Variants in GUCY2F observed in about 807,000 individuals in gnomAD.
The protein encoded by GUCY2F is retinal guanylyl cyclase 2.
In GUCY2F, 61 loss-of-function variants were observed where a neutral mutation model predicts 73.1. The observed-to-expected ratio is 0.83, with a 90% CI of 0.68 to 1.03. GUCY2F has a LOEUF of 1.03. Ranked by LOEUF, GUCY2F falls within the 50% of genes least tolerant of loss-of-function variation. The pLI is 0.00. For synonymous variants in GUCY2F, 331 were observed against 307.8 expected (o/e 1.08, Z -0.79); for missense variants, 912 against 854.3 (o/e 1.07, Z -0.84).
chrX:109,423,735 G>A (rs2147266320), intron 8 of GUCY2F, among the ~76,000 whole-genome samples: 1 of 108,371 alleles, frequency 9.2e-6, no homozygotes, highest in East Asian at 2.9e-4. Flanking sequence ...AAATTTCTGG[G>A]TGGTAGCTGA....
chrX:109,475,558 T>C lies in GUCY2F; in HGVS notation c.379A>G (p.Thr127Ala), dbSNP rs768963763. The C allele has an allele frequency of 9.1e-5, 110 of 1,209,350 alleles. No individual in the cohort carries two copies. The highest frequency in any genetic ancestry group is 1.2e-4 in the Non-Finnish European group (108 of 894,737). ...HQMASGFIGP[T>A]NPGYCEAASL... is the part of the protein sequence containing the mutation. ...GCTGCCTCGCAGTAGCCAGGGTTGG[T>C]AGGTCCAATAAATCCTGAGGCCATC... The change falls in exon 2 of 20, where the codon ACC (threonine) becomes GCC (alanine). Residue 127 changes from threonine (T) to alanine (A), a missense_variant. By Grantham distance (58) the Thr-to-Ala change is moderately conservative. Coordinates refer to ENST00000218006, the MANE Select transcript of GUCY2F (RefSeq NM_001522.3).
intron 3 of GUCY2F, among the ~76,000 whole-genome samples, chrX:109,463,431 C>T (rs1932402484): frequency 1.0e-5 from 1 of 98,572 alleles, no homozygotes; most frequent in African/African-American, 4.4e-5. Context: ...GATTTCCTCA[C>T]TCTTTTTTTT....
intron 3 of GUCY2F, among the ~76,000 whole-genome samples, chrX:109,462,897 T>C (rs750963826): frequency 1.4e-4 from 16 of 112,114 alleles, no homozygotes; most frequent in African/African-American, 5.2e-4. Flanking sequence ...TTTTTAGCAA[T>C]TTGAGTTTTG....
At chrX:109,426,295 A>AT (rs1931484349) in intron 8 of GUCY2F, among the ~76,000 whole-genome samples, 1 of 112,592 alleles carries the variant, frequency 8.9e-6, no homozygotes, top group African/African-American at 3.2e-5. Context: ...AGTAGACTGG[A>AT]AGACCTGATA....
At chrX:109,410,009 C>A (rs929544032) in intron 8 of GUCY2F, among the ~76,000 whole-genome samples, 1 of 111,386 alleles carries the variant, frequency 9.0e-6, no homozygotes, top group African/African-American at 3.3e-5. Context: ...CCCCTCACCC[C>A]AGCCCTGCCC....
At chrX:109,459,537 C>T (rs1160513974) in intron 3 of GUCY2F, among the ~76,000 whole-genome samples, 1 of 111,070 alleles carries the variant, frequency 9.0e-6, no homozygotes, top group Non-Finnish European at 1.9e-5. Flanking sequence ...GGGCACTAGA[C>T]GAAAAGGAAG....
rs747499694 is a variant in GUCY2F, at chrX:109,441,463, A to C, written c.1589T>G (p.Val530Gly). 1 of 1,182,391 alleles carries C rather than the reference A, an allele frequency of 8.5e-7. No individual in the cohort carries two copies. The highest frequency in any genetic ancestry group is 2.3e-5 in the Admixed American group (1 of 42,741). The change falls in exon 7 of 20, where the codon GTA becomes GGA. Residue 530 changes from valine to glycine, a missense_variant. Val to Gly is a moderately radical substitution (Grantham distance 109). Coordinates refer to ENST00000218006, the MANE Select transcript of GUCY2F (RefSeq NM_001522.3). ...FGSKRGSRAS[V>G]SFQITSEVQS... is the part of the protein sequence containing the mutation. Reference sequence around the variant, plus strand: ...GACCTCTGAGGTAATCTGGAAGCTTACACTGGCACGACTTCCTCTCTGTGA... The same window carrying C: ...GACCTCTGAGGTAATCTGGAAGCTTCCACTGGCACGACTTCCTCTCTGTGA...
intron 2 of GUCY2F, among the ~76,000 whole-genome samples, chrX:109,468,591 C>T (rs1025503634): frequency 8.9e-6 from 1 of 111,764 alleles, no homozygotes; most frequent in Non-Finnish European, 1.9e-5. Flanking sequence ...TTACCCTCAA[C>T]CCTAAATCTC....
At chrX:109,377,132 C>A (rs912509660) in intron 17 of GUCY2F, among the ~76,000 whole-genome samples, 2 of 111,729 alleles carry the variant, frequency 1.8e-5, no homozygotes, top group Non-Finnish European at 3.8e-5. Context: ...TATCCCTTAA[C>A]AATAATGACA....
chrX:109,382,531 G>A (rs760591306), intron 16 of GUCY2F, among the ~76,000 whole-genome samples: 5 of 112,477 alleles, frequency 4.4e-5, no homozygotes, highest in African/African-American at 1.6e-4. Flanking sequence ...CAGCTGAAAC[G>A]TGACGTCATT....
Position 109,475,849 on chromosome X carries a change from C to T in GUCY2F, c.88G>A (p.Ala30Thr), listed in dbSNP as rs866869281. 12 of 1,210,759 alleles carry T rather than the reference C, an allele frequency of 9.9e-6. No individual in the cohort carries two copies. The highest frequency in any genetic ancestry group is 2.3e-4 in the Middle Eastern group (1 of 4,353). ...AGGCACAAGCACCACAGGAACTTGGCAGATGCAAGGCCATGGTGTCCCAGC... is the reference window on the plus strand; with the variant it reads ...AGGCACAAGCACCACAGGAACTTGGTAGATGCAAGGCCATGGTGTCCCAGC... The part of the protein sequence containing the change: ...KLLGHHGLAS[A>T]KFLWCLCLLS... Residue 30 changes from alanine (A) to threonine (T), a missense_variant, in exon 2 of 20, where the codon GCC becomes ACC. By Grantham distance (58) the Ala-to-Thr change is moderately conservative. Coordinates refer to ENST00000218006, the MANE Select transcript of GUCY2F (RefSeq NM_001522.3).
intron 8 of GUCY2F, among the ~76,000 whole-genome samples, chrX:109,423,717 A>C (rs902669160): frequency 9.2e-6 from 1 of 108,904 alleles, no homozygotes; most frequent in African/African-American, 3.4e-5. Context: ...ATTAAAAAAA[A>C]AAAAGAAAAA....
intron 17 of GUCY2F, among the ~76,000 whole-genome samples, chrX:109,379,774 A>C (rs976656095): frequency 8.9e-6 from 1 of 112,670 alleles, no homozygotes; most frequent in Non-Finnish European, 1.9e-5. Context: ...AAGGCGAGAA[A>C]TATTGAAAAA....
Position 109,413,139 on chromosome X carries a change from G to A in GUCY2F, c.1792-3971C>T, listed in dbSNP as rs138166402. ...TCTAGATCTTTGATAGATCTTTATAGGCATCCATCCTCAGCTGTAACCAAC... is the reference window on the plus strand; with the variant it reads ...TCTAGATCTTTGATAGATCTTTATAAGCATCCATCCTCAGCTGTAACCAAC... On this transcript the variant is annotated intron_variant, in intron 8 of 19. Coordinates refer to ENST00000218006, the MANE Select transcript of GUCY2F (RefSeq NM_001522.3). Among the ~76,000 whole-genome samples the A allele has an allele frequency of 2.0e-3, 222 of 112,211 alleles. 3 individuals carry two copies. The East Asian group carries it at 0.034, about 17-fold the overall frequency.
intron 4 of GUCY2F, 72 bp downstream of exon 4, chrX:109,453,433 C>T (rs992920819): frequency 5.2e-6 from 3 of 574,702 alleles, no homozygotes; most frequent in Non-Finnish European, 8.5e-6. Context: ...TTAAAATGTG[C>T]CTTCTCCTAA....
Position 109,392,884 on chromosome X carries a change from T to C in GUCY2F, c.2588+8A>G, listed in dbSNP as rs1256296754. ...AAGGATTCACACTCCTCAGGTGTTC[T>C]CACATACGGTGGTAGCATCTGTGTT... On this transcript the variant is annotated splice_region_variant and intron_variant, in intron 13 of 19. Transcript: ENST00000218006. 9.0e-7 allele frequency: 1 copy of C among 1,117,259 alleles called. No individual in the cohort carries two copies. The highest frequency in any genetic ancestry group is 1.8e-5 in the South Asian group (1 of 54,387). The allele number at this position is 1,117,259 out of a possible 1,213,427, so 92.1% of individuals were successfully genotyped here.
chrX:109,444,379 C>T (rs1196418031), intron 6 of GUCY2F, among the ~76,000 whole-genome samples: 1 of 112,248 alleles, frequency 8.9e-6, no homozygotes, highest in African/African-American at 3.2e-5. Flanking sequence ...CACATTCAGG[C>T]AGAAGAGCAG....
intron 5 of GUCY2F, 80 bp downstream of exon 5, chrX:109,451,943 A>G: frequency 1.7e-6 from 1 of 586,584 alleles, no homozygotes; most frequent in Non-Finnish European, 2.9e-6. Context: ...TTGTACCGAA[A>G]CAGGACTTCC....
At chrX:109,399,687 A>G (rs1362189761) in intron 10 of GUCY2F, among the ~76,000 whole-genome samples, 1 of 110,401 alleles carries the variant, frequency 9.1e-6, no homozygotes, top group Non-Finnish European at 1.9e-5. Flanking sequence ...GTTCAAACTA[A>G]AAAAAAAACT....
Sources: allele counts gnomAD v4.1 joint callset (sites outside exome capture counted in the v4.1 genomes callset), GRCh38; gene constraint gnomAD v4.1.1; transcripts MANE v1.5; gene names NCBI Gene and HGNC (gene_info 2026-07-23, HGNC 2026-07-21).